ARHGEF17: variants seen among roughly 807,000 people sequenced by gnomAD.
ARHGEF17 encodes 164 kDa Rho-specific guanine-nucleotide exchange factor.
Under a neutral mutation model 174.0 loss-of-function variants are expected in ARHGEF17, and 80 were observed. The ratio of observed to expected loss-of-function variants is 0.46; its 90% confidence interval spans 0.38 to 0.55. The LOEUF is 0.55. Among genes scored for constraint, ARHGEF17 ranks in the 20% least tolerant of loss-of-function variants. The probability of loss-of-function intolerance (pLI) is 0.00; values close to 1 mark genes in which losing one functional copy is unlikely to be tolerated. For synonymous variants in ARHGEF17, 1,311 were observed against 1,189.1 expected, an observed-to-expected ratio of 1.10 and a Z score of -2.11; for missense variants, 2,886 against 2,839.7, an observed-to-expected ratio of 1.02 and a Z score of -0.37.
chr11:73,313,313 G>T lies in ARHGEF17; in HGVS notation c.3192+1483G>T, dbSNP rs74436693. Among the ~76,000 whole-genome samples, 925 of 152,284 alleles carry T rather than the reference G, an allele frequency of 6.1e-3. 9 individuals are homozygous for T. Among genetic ancestry groups the T allele is most frequent in the Middle Eastern group, 0.027 (8 of 294 alleles). On this transcript the variant is annotated intron_variant, in intron 1 of 20. Coordinates refer to ENST00000263674, the MANE Select transcript of ARHGEF17 (RefSeq NM_014786.4). ...GAACTCCAGTGCCAGTTCTGAAGGT[G>T]GGGGAGGGGAGGAAGACAGCAGGTC...
intron 1 of ARHGEF17, among the ~76,000 whole-genome samples, chr11:73,315,607 G>A (rs530261054): frequency 2.0e-5 from 3 of 152,230 alleles, no homozygotes; most frequent in Admixed American, 1.3e-4. Flanking sequence ...AATTCTGAGC[G>A]GTACCAAATA....
chr11:73,337,140 T>C (rs1865298203), intron 1 of ARHGEF17, among the ~76,000 whole-genome samples: 1 of 152,218 alleles, frequency 6.6e-6, no homozygotes, highest in Non-Finnish European at 1.5e-5. Context: ...AAGAAGAACA[T>C]GTGGGCCAGG....
Position 73,363,246 on chromosome 11 carries a change from C to A in ARHGEF17, c.5037C>A (p.Thr1679=). The A allele has an allele frequency of 6.2e-7, 1 of 1,601,126 alleles. No individual in the cohort carries two copies. Among genetic ancestry groups the A allele is most frequent in the Non-Finnish European group, 8.5e-7 (1 of 1,171,592 alleles). ...GTTCCAAGGAGGCCACGGCAGAGAC[C>A]ACCAGCTCAGAGGAGGAGCAGGAGC... ...TPSSKEATAE[T]TSSEEEQEPG... Residue 1679 remains threonine, a synonymous_variant, in exon 15 of 21, where the codon ACC becomes ACA. Transcript: ENST00000263674.
intron 1 of ARHGEF17, among the ~76,000 whole-genome samples, chr11:73,319,685 A>G (rs562535358): frequency 6.6e-6 from 1 of 152,306 alleles, no homozygotes; most frequent in Admixed American, 6.5e-5. Flanking sequence ...TTCATTTGTC[A>G]TTCATTCATT....
intron 1 of ARHGEF17, among the ~76,000 whole-genome samples, chr11:73,341,231 C>G (rs773916611): frequency 6.6e-6 from 1 of 152,200 alleles, no homozygotes; most frequent in African/African-American, 2.4e-5. Context: ...ATTAGATGCA[C>G]ATGACCTAAT....
chr11:73,356,483 C>A, intron 6 of ARHGEF17, 132 bp downstream of exon 6: 1 of 1,248,028 alleles, frequency 8.0e-7, no homozygotes, highest in Non-Finnish European at 1.1e-6. Context: ...TGTTTGCATC[C>A]ATGTCTGCCA....
Position 73,309,049 on chromosome 11 carries a change from CT to C in ARHGEF17, c.412del (p.Ser138ProfsTer51). On this transcript the variant is annotated frameshift_variant, in exon 1 of 21. Transcript: ENST00000263674. LOFTEE classifies it high-confidence loss of function. ...EMRKLFGGPGSRRPSADSESP... is the reference protein window; with the variant it reads ...EMRKLFGGPGXRRPSADSESP... ...TGCGCAAGCTCTTCGGCGGTCCTGG[CT>C]CCAGGAGGCCCAGCGCCGACTCTGA... is the stretch of plus-strand genomic sequence containing the variant. 1 of 1,483,028 alleles carries C rather than the reference CT, an allele frequency of 6.7e-7. No individual in the cohort carries two copies. The highest frequency in any genetic ancestry group is 8.9e-7 in the Non-Finnish European group (1 of 1,121,740). 91.9% of individuals were successfully genotyped at this position (1,483,028 alleles called of 1,614,324 possible).
At chr11:73,324,391 T>A (rs1364150569) in intron 1 of ARHGEF17, among the ~76,000 whole-genome samples, 2 of 152,180 alleles carry the variant, frequency 1.3e-5, no homozygotes, top group African/African-American at 4.8e-5. Flanking sequence ...AGCCCTGCCC[T>A]GGGGGAGCGC....
intron 1 of ARHGEF17, among the ~76,000 whole-genome samples, chr11:73,344,127 G>A (rs1312075936): frequency 6.6e-6 from 1 of 152,172 alleles, no homozygotes. Context: ...GTCTGGGGAT[G>A]GGGCTGGTGA....
rs528265263 is a variant in ARHGEF17, at chr11:73,326,701, C to T, written c.3192+14871C>T. Among the ~76,000 whole-genome samples, 6 of 152,066 alleles carry T rather than the reference C, an allele frequency of 3.9e-5. No homozygotes were observed. In the South Asian group the frequency reaches 1.2e-3, roughly 32 times the overall value. ...CACATTGCACTCCAACCTGGGCAAC[C>T]AAGAGTGAAACTCCGTCTCAAAAAA... is the stretch of plus-strand genomic sequence containing the variant. On this transcript the variant is annotated intron_variant, in intron 1 of 20. Transcript: ENST00000263674.
intron 1 of ARHGEF17, among the ~76,000 whole-genome samples, chr11:73,322,319 A>C (rs1032549827): frequency 3.1e-4 from 47 of 152,334 alleles, no homozygotes; most frequent in African/African-American, 1.1e-3. Context: ...AGGAGGAAGA[A>C]AAGGGCCAGG....
chr11:73,324,237 C>G (rs1865065617), intron 1 of ARHGEF17, among the ~76,000 whole-genome samples: 2 of 151,788 alleles, frequency 1.3e-5, no homozygotes, highest in African/African-American at 4.8e-5. Flanking sequence ...TGGGTGGGAG[C>G]CCCCAGTTTG....
At chr11:73,344,874 G>A (rs1307676134) in intron 1 of ARHGEF17, among the ~76,000 whole-genome samples, 3 of 152,192 alleles carry the variant, frequency 2.0e-5, no homozygotes, top group African/African-American at 7.2e-5. Flanking sequence ...GTCATGAGGT[G>A]GCTGAAGAGA....
At position 73,345,806 on chromosome 11, in the gene ARHGEF17, A is replaced by T. The variant is rs144961475; in HGVS notation, c.3193-1077A>T. The stretch of plus-strand genomic sequence containing the variant: ...AGAGGAGAATAACCCAGAGATCTGG[A>T]GCCTAGAGGAGTTAGGGGCCTTGCC... On this transcript the variant is annotated intron_variant, in intron 1 of 20. Transcript: ENST00000263674. 1.4e-3 allele frequency among the ~76,000 whole-genome samples: 217 copies of T among 152,238 alleles called. 1 individual carries two copies. Among genetic ancestry groups the T allele is most frequent in the African/African-American group, 5.1e-3 (212 of 41,534 alleles).
chr11:73,360,005 C>A, intron 10 of ARHGEF17, 53 bp downstream of exon 10: 1 of 1,474,282 alleles, frequency 6.8e-7, no homozygotes, highest in Non-Finnish European at 9.2e-7. Context: ...GGCTTCTGAC[C>A]CTGTCTGAGA....
rs569837067 is a variant in ARHGEF17 at position 73,349,617 on chromosome 11, AAAAAC to A, written c.3270+2672_3270+2676del. On this transcript the variant is annotated intron_variant, in intron 2 of 20. Coordinates refer to ENST00000263674, the MANE Select transcript of ARHGEF17 (RefSeq NM_014786.4). ...GGTGACAGAGCGAGACTCTGTCTCA[AAAAAC>A]AAAACAAAACAAAAAAAACAAAAGG... 2.0e-3 allele frequency among the ~76,000 whole-genome samples: 308 copies of A among 152,314 alleles called. 2 individuals are homozygous for A. Among genetic ancestry groups the A allele is most frequent in the African/African-American group, 7.0e-3 (290 of 41,566 alleles).
chr11:73,347,220 CT>C (rs1386767876), intron 2 of ARHGEF17: 4 of 555,420 alleles, frequency 7.2e-6, no homozygotes, highest in South Asian at 2.0e-5. Context: ...CCACGTCCCC[CT>C]GGCAACCCTG....
chr11:73,346,465 C>T lies in ARHGEF17; in HGVS notation c.3193-418C>T, dbSNP rs549071620. Among the ~76,000 whole-genome samples the T allele has an allele frequency of 5.6e-4, 85 of 152,344 alleles. No individual in the cohort carries two copies. The South Asian group carries it at 8.9e-3, about 16-fold the overall frequency. On this transcript the variant is annotated intron_variant, in intron 1 of 20. Coordinates refer to ENST00000263674, the MANE Select transcript of ARHGEF17 (RefSeq NM_014786.4). ...CAGCCAGGTGGGCATGTCCCCATAG[C>T]ACTGAGCCTGAAGTTGGGGTCTTCA...
At chr11:73,341,863 C>T (rs899355964) in intron 1 of ARHGEF17, among the ~76,000 whole-genome samples, 5 of 152,156 alleles carry the variant, frequency 3.3e-5, no homozygotes, top group African/African-American at 1.2e-4. Context: ...GCTTGGTGAG[C>T]GTGGCAGCGT....
Sources: gnomAD v4.1 joint callset for allele counts (sites outside exome capture counted in the v4.1 genomes callset) on GRCh38, gnomAD v4.1.1 for gene constraint, MANE v1.5 for transcripts, NCBI Gene and HGNC (gene_info 2026-07-23, HGNC 2026-07-21) for gene names.